The following CYP7B1 variants were observed in gnomAD, a reference collection of about 807,000 sequenced individuals.
CYP7B1 encodes cytochrome P450 7B1.
Under a neutral mutation model 42.7 loss-of-function variants are expected in CYP7B1, and 29 were observed. The ratio of observed to expected loss-of-function variants is 0.68; its 90% CI spans 0.51 to 0.93. The LOEUF is 0.93. CYP7B1 is among the 40% of genes least tolerant of loss of function. The probability of loss-of-function intolerance (pLI) is 0.00; values close to 1 mark genes in which losing one functional copy is unlikely to be tolerated. For synonymous variants in CYP7B1, 235 were observed against 218.2 expected, an observed-to-expected ratio of 1.08 and a Z score of -0.68; for missense variants, 655 against 600.5, an observed-to-expected ratio of 1.09 and a Z score of -0.95.
chr8:64,743,416 G>C (rs1369165085), intron 1 of CYP7B1, among the ~76,000 whole-genome samples: 1 of 152,178 alleles, frequency 6.6e-6, no homozygotes, highest in African/African-American at 2.4e-5. Context: ...TGTTAGGGCT[G>C]CCGTAACAAA....
chr8:64,739,614 T>C (rs2129633253), intron 1 of CYP7B1, among the ~76,000 whole-genome samples: 1 of 152,318 alleles, frequency 6.6e-6, no homozygotes, highest in Middle Eastern at 3.4e-3. Context: ...ATTAGAATAC[T>C]AGAAGAAAAG....
intron 3 of CYP7B1, 120 bp downstream of exon 3, chr8:64,615,571 T>G: frequency 1.0e-6 from 1 of 992,798 alleles, no homozygotes; most frequent in Non-Finnish European, 1.6e-6. Context: ...TAAAACATTT[T>G]ATCATTAGCC....
chr8:64,647,251 C>T (rs1340642993), intron 1 of CYP7B1, among the ~76,000 whole-genome samples: 1 of 152,032 alleles, frequency 6.6e-6, no homozygotes, highest in African/African-American at 2.4e-5. Context: ...AGCCCCACAA[C>T]AATTACAACA....
chr8:64,735,872 G>GA lies in CYP7B1; in HGVS notation c.122+62593dup. Among the ~76,000 whole-genome samples the GA allele has an allele frequency of 2.0e-5, 3 of 152,242 alleles. No homozygotes were observed. The East Asian group carries it at 5.8e-4, about 29-fold the overall frequency. On this transcript the variant is annotated intron_variant, in intron 1 of 5. Coordinates refer to ENST00000310193, the MANE Select transcript of CYP7B1 (RefSeq NM_004820.5). Reference sequence around the variant, plus strand: ...GTCTCCACAGTGCCTGATCGAGAGAGAAAGGTAAAATTATGTTTCTTCCCC... The same window carrying GA: ...GTCTCCACAGTGCCTGATCGAGAGAGAAAAGGTAAAATTATGTTTCTTCCCC...
At chr8:64,761,949 G>A (rs1807897364) in intron 1 of CYP7B1, among the ~76,000 whole-genome samples, 1 of 152,172 alleles carries the variant, frequency 6.6e-6, no homozygotes, top group Non-Finnish European at 1.5e-5. Context: ...TCCATGGTGA[G>A]TAGAAATGCA....
At chr8:64,696,769 G>A (rs1204939646) in intron 1 of CYP7B1, among the ~76,000 whole-genome samples, 1 of 151,930 alleles carries the variant, frequency 6.6e-6, no homozygotes, top group Admixed American at 6.6e-5. Context: ...AGCACTTTCT[G>A]AAGCACTGGT....
rs376484779 is a variant in CYP7B1, at chr8:64,768,427, A to T, written c.122+30039T>A. On this transcript the variant is annotated intron_variant, in intron 1 of 5. Coordinates refer to ENST00000310193, the MANE Select transcript of CYP7B1 (RefSeq NM_004820.5). ...CTTTAGTAATTTGCTCTTCTGATGC[A>T]TTTTCAATATTTAGTTTGTTTAAAA... Among the ~76,000 whole-genome samples, 10 of 151,926 alleles carry T rather than the reference A, an allele frequency of 6.6e-5. No individual in the cohort carries two copies. The South Asian group carries it at 1.0e-3, about 16-fold the overall frequency.
chr8:64,783,908 T>C (rs1166287146), intron 1 of CYP7B1, among the ~76,000 whole-genome samples: 2 of 152,170 alleles, frequency 1.3e-5, no homozygotes, highest in South Asian at 2.1e-4. Flanking sequence ...TGCAAAATGG[T>C]ACAGTTAATT....
intron 1 of CYP7B1, among the ~76,000 whole-genome samples, chr8:64,638,080 G>A (rs77737233): frequency 6.6e-6 from 1 of 151,556 alleles, no homozygotes; most frequent in Non-Finnish European, 1.5e-5. Context: ...ATTCATAAAT[G>A]CAATTTCTAC....
intron 1 of CYP7B1, among the ~76,000 whole-genome samples, chr8:64,651,815 C>G (rs1385711385): frequency 6.6e-6 from 1 of 152,200 alleles, no homozygotes; most frequent in East Asian, 1.9e-4. Flanking sequence ...GCCTCCAGAA[C>G]TAAGAGAAAT....
At chr8:64,725,550 G>T (rs1354029763) in intron 1 of CYP7B1, among the ~76,000 whole-genome samples, 2 of 152,156 alleles carry the variant, frequency 1.3e-5, no homozygotes, top group African/African-American at 4.8e-5. Flanking sequence ...GGTTTCAGAA[G>T]GTGGCTTCCT....
At chr8:64,650,697 C>G (rs1806025872) in intron 1 of CYP7B1, among the ~76,000 whole-genome samples, 2 of 152,128 alleles carry the variant, frequency 1.3e-5, no homozygotes, top group African/African-American at 4.8e-5. Context: ...AGGTAAAATC[C>G]TTTCTAATAT....
chr8:64,765,820 G>C (rs1807964611), intron 1 of CYP7B1, among the ~76,000 whole-genome samples: 1 of 152,022 alleles, frequency 6.6e-6, no homozygotes, highest in South Asian at 2.1e-4. Context: ...GGAGAATTCG[G>C]CCCAGAGTGC....
intron 1 of CYP7B1, among the ~76,000 whole-genome samples, chr8:64,718,302 T>C (rs1379069522): frequency 6.6e-6 from 1 of 152,166 alleles, no homozygotes; most frequent in Admixed American, 6.5e-5. Flanking sequence ...TTTGGAGCCA[T>C]AACAAGCCAC....
At chr8:64,685,343 G>A (rs1806608489) in intron 1 of CYP7B1, among the ~76,000 whole-genome samples, 1 of 130,422 alleles carries the variant, frequency 7.7e-6, no homozygotes, top group African/African-American at 2.9e-5. Flanking sequence ...GGGATGTGAG[G>A]AGCCCCTCTG....
At chr8:64,655,084 G>A (rs1010484193) in intron 1 of CYP7B1, among the ~76,000 whole-genome samples, 12 of 151,924 alleles carry the variant, frequency 7.9e-5, no homozygotes, top group African/African-American at 2.9e-4. Context: ...GACAACCTAG[G>A]CAATACCATC....
chr8:64,685,039 T>A (rs1209195017), intron 1 of CYP7B1, among the ~76,000 whole-genome samples: 2 of 152,150 alleles, frequency 1.3e-5, no homozygotes, highest in Non-Finnish European at 2.9e-5. Context: ...TTAAACACAA[T>A]AATACCAAAT....
At position 64,624,556 on chromosome 8, in the gene CYP7B1, A is replaced by AG; in HGVS notation, c.123-18_123-17insC. ...CCGGGTCTCCTACAAGGAAAAAAAA[A>AG]AAGATAAAAGAACAAAAGAAAAATC... is the stretch of plus-strand genomic sequence containing the variant. On this transcript the variant is annotated splice_polypyrimidine_tract_variant and intron_variant, in intron 1 of 5. Coordinates refer to ENST00000310193, the MANE Select transcript of CYP7B1 (RefSeq NM_004820.5). The AG allele has an allele frequency of 1.9e-6, 3 of 1,611,358 alleles. No homozygotes were observed. The highest frequency in any genetic ancestry group is 1.1e-5 in the South Asian group (1 of 90,316).
intron 1 of CYP7B1, among the ~76,000 whole-genome samples, chr8:64,789,237 GT>G (rs534021375): frequency 2.0e-5 from 3 of 151,442 alleles, no homozygotes; most frequent in East Asian, 1.9e-4. Flanking sequence ...CATACACTCA[GT>G]TTTTTTTTAA....
Sources: gnomAD v4.1 joint callset for allele counts (sites outside exome capture counted in the v4.1 genomes callset) on GRCh38, gnomAD v4.1.1 for gene constraint, MANE v1.5 for transcripts, NCBI Gene and HGNC (gene_info 2026-07-23, HGNC 2026-07-21) for gene names.